The following NOS1 variants were observed in gnomAD, a reference collection of about 807,000 sequenced individuals.
The protein encoded by NOS1 is nitric oxide synthase 1, also known as NOS type I.
A neutral mutation model predicts 164.5 loss-of-function variants in NOS1; 51 were observed. The observed-to-expected ratio is 0.31, with a 90% CI of 0.25 to 0.39. The LOEUF is 0.39. Ranked by LOEUF, NOS1 falls within the 10% of genes least tolerant of loss-of-function variation. NOS1 has a pLI of 1.00. For synonymous variants in NOS1, 719 were observed against 745.8 expected, an observed-to-expected ratio of 0.96 and a Z score of 0.59; for missense variants, 1,362 against 1,885.6, an observed-to-expected ratio of 0.72 and a Z score of 5.14.
chr12:117,247,291 T>C (rs1870692853), intron 18 of NOS1, 57 bp downstream of exon 18: 34 of 1,402,382 alleles, frequency 2.4e-5, no homozygotes, highest in Non-Finnish European at 3.3e-5. Flanking sequence ...TTAGGTGCTG[T>C]CTTTGGGGGT....
At chr12:117,294,131 A>T (rs1260056600) in intron 3 of NOS1, among the ~76,000 whole-genome samples, 1 of 152,196 alleles carries the variant, frequency 6.6e-6, no homozygotes, top group Non-Finnish European at 1.5e-5. Flanking sequence ...CTACATACCC[A>T]GTTTCACTCA....
At chr12:117,358,367 G>A (rs1876956640) in intron 1 of NOS1, among the ~76,000 whole-genome samples, 1 of 152,184 alleles carries the variant, frequency 6.6e-6, no homozygotes, top group South Asian at 2.1e-4. Flanking sequence ...CCTTCCCCAA[G>A]GAAGATGGAG....
At chr12:117,230,240 G>A (rs1869099463) in intron 22 of NOS1, among the ~76,000 whole-genome samples, 1 of 152,154 alleles carries the variant, frequency 6.6e-6, no homozygotes, top group Admixed American at 6.5e-5. Context: ...TAAAAACAGT[G>A]CAATCTAATA....
In NOS1 at chr12:117,210,085, G is replaced by T. The variant is rs142690571; in HGVS notation, c.*5224C>A. ...ACTCCTGGGACCAAGTGATCCTCCT[G>T]CCTCAGCCTCCCAAGTAGCTGGGAC... On this transcript the variant is annotated 3_prime_UTR_variant, in exon 29 of 29. Transcript: ENST00000317775. 947 of 698,304 alleles carry T rather than the reference G, an allele frequency of 1.4e-3. 9 individuals are homozygous for T. In the African/African-American group the frequency reaches 0.016, roughly 12 times the overall value. 43.3% of individuals were successfully genotyped at this position (698,304 alleles called of 1,614,324 possible).
At position 117,208,437 on chromosome 12, in the gene NOS1, G is replaced by T; in HGVS notation, c.*6872C>A. The T allele has an allele frequency of 1.8e-6, 2 of 1,095,668 alleles. No individual in the cohort carries two copies. The highest frequency in any genetic ancestry group is 2.3e-6 in the Non-Finnish European group (2 of 887,808). 67.9% of individuals were successfully genotyped at this position (1,095,668 alleles called of 1,614,324 possible). A position where few individuals can be genotyped will look rare whatever the true frequency, so the allele number is the denominator to read the frequency against. The stretch of plus-strand genomic sequence containing the variant: ...GTGTGTGTGTGGTGAGATGCGACCA[G>T]GTCTGCCCACCTCCCCAGCTTCCCA... On this transcript the variant is annotated 3_prime_UTR_variant, in exon 29 of 29. Transcript: ENST00000317775.
chr12:117,271,734 G>A (rs1872805763), intron 10 of NOS1, among the ~76,000 whole-genome samples: 1 of 152,180 alleles, frequency 6.6e-6, no homozygotes. Flanking sequence ...TGTTGTTAGA[G>A]ACATTTGCTG....
chr12:117,331,002 C>A lies in NOS1; in HGVS notation c.68G>T (p.Arg23Leu). ...PNVISVRLFK[R>L]KVGGLGFLVK... ...CAGAAATCCCAGGCCCCCAACTTTGCGCTTGAAGAGACGAACAGAAATGAC... is the reference window on the plus strand; with the variant it reads ...CAGAAATCCCAGGCCCCCAACTTTGAGCTTGAAGAGACGAACAGAAATGAC... Residue 23 changes from arginine (R) to leucine (L), a missense_variant, in exon 2 of 29, where the codon CGC becomes CTC. Transcript: ENST00000317775. 1 of 1,614,186 alleles carries A rather than the reference C, an allele frequency of 6.2e-7. No individual in the cohort carries two copies. Among genetic ancestry groups the A allele is most frequent in the Non-Finnish European group, 8.5e-7 (1 of 1,180,040 alleles).
At chr12:117,231,930 C>T (rs765268854) in intron 22 of NOS1, 32 bp downstream of exon 22, 2 of 1,591,790 alleles carry the variant, frequency 1.3e-6, no homozygotes, top group South Asian at 1.1e-5. Flanking sequence ...TGAAATGCGC[C>T]CCCTAGGGTT....
chr12:117,329,350 G>A (rs572423065), intron 2 of NOS1, among the ~76,000 whole-genome samples: 11 of 152,180 alleles, frequency 7.2e-5, no homozygotes, highest in African/African-American at 2.2e-4. Context: ...TGTGGGGGGC[G>A]GAATGTTCCT....
rs1870335910 is a variant in NOS1 at position 117,243,290 on chromosome 12, G to A, written c.2962+7C>T. 3.1e-6 allele frequency: 5 copies of A among 1,613,866 alleles called. No homozygotes were observed. The highest frequency in any genetic ancestry group is 2.7e-5 in the African/African-American group (2 of 74,918). The stretch of plus-strand genomic sequence containing the variant: ...GAATACCTCCCTGGAAGGGTGGTGG[G>A]AGGTACCTTGTGTGAGTTCTGGAGC... On this transcript the variant is annotated splice_region_variant and intron_variant, in intron 19 of 28. Transcript: ENST00000317775. This position sits in a 1 kb window ranked among gnomAD's most constrained non-coding sequence, Gnocchi z 4.3.
chr12:117,290,562 A>T, intron 3 of NOS1, 136 bp from the exon 4 acceptor site: 1 of 1,083,644 alleles, frequency 9.2e-7, no homozygotes, highest in Non-Finnish European at 1.3e-6. Flanking sequence ...CCAGAGTAAG[A>T]TCCAGCCCTT....
In NOS1 at chr12:117,356,521, T is replaced by G. The variant is rs140199569; in HGVS notation, c.-421+4991A>C. Among the ~76,000 whole-genome samples, 1,388 of 152,366 alleles carry G rather than the reference T, an allele frequency of 9.1e-3. 20 individuals are homozygous for G. The highest frequency in any genetic ancestry group is 0.031 in the African/African-American group (1,309 of 41,580). On this transcript the variant is annotated intron_variant, in intron 1 of 28. Coordinates refer to ENST00000317775, the MANE Select transcript of NOS1 (RefSeq NM_000620.5). The surrounding 1 kb of genome is among the most constrained non-coding windows in gnomAD (Gnocchi z 4.2). Reference sequence around the variant, plus strand: ...ACAGGGTTTGTCTGGTGCTCACCGCTTAGCCAGACTACAGGTTTCATTAGA... The same window carrying G: ...ACAGGGTTTGTCTGGTGCTCACCGCGTAGCCAGACTACAGGTTTCATTAGA...
intron 1 of NOS1, among the ~76,000 whole-genome samples, chr12:117,335,599 C>G (rs560595419): frequency 4.7e-4 from 71 of 152,286 alleles, no homozygotes; most frequent in African/African-American, 1.7e-3. Flanking sequence ...CCTCTCCACC[C>G]TGAACCTCAT....
Position 117,212,653 on chromosome 12 carries a change from G to A in NOS1, c.*2656C>T. 5.1e-6 allele frequency: 5 copies of A among 985,384 alleles called. No individual in the cohort carries two copies. The highest frequency in any genetic ancestry group is 6.0e-6 in the Non-Finnish European group (5 of 829,928). 61.0% of individuals were successfully genotyped at this position (985,384 alleles called of 1,614,324 possible). A position where few individuals can be genotyped will look rare whatever the true frequency, so the allele number is the denominator to read the frequency against. On this transcript the variant is annotated 3_prime_UTR_variant, in exon 29 of 29. Coordinates refer to ENST00000317775, the MANE Select transcript of NOS1 (RefSeq NM_000620.5). ...TCAGGGGGAAGAGGGAAATAAATGG[G>A]CCATAACCCGAATAACCCCCAAATA...
rs1463896090 is a variant in NOS1, at chr12:117,215,275, C to A, written c.*34G>T. ...GTTCAGCAGTGTCTGTCCGCGCTTA[C>A]AAAACTTGCAGCCGGCTGGGCAAGA... On this transcript the variant is annotated 3_prime_UTR_variant, in exon 29 of 29. Transcript: ENST00000317775. 1.3e-6 allele frequency: 2 copies of A among 1,542,524 alleles called. No homozygotes were observed. The highest frequency in any genetic ancestry group is 1.7e-6 in the Non-Finnish European group (2 of 1,143,690).
Position 117,209,468 on chromosome 12 carries a change from T to TA in NOS1, c.*5840dup, listed in dbSNP as rs1191945955. On this transcript the variant is annotated 3_prime_UTR_variant, in exon 29 of 29. Coordinates refer to ENST00000317775, the MANE Select transcript of NOS1 (RefSeq NM_000620.5). ...TCTGGGCACTTCGATGTCCTGGAGTTACTTTCTAAAAGACTACAGGAAGCA... is the reference window on the plus strand; with the variant it reads ...TCTGGGCACTTCGATGTCCTGGAGTTAACTTTCTAAAAGACTACAGGAAGCA... 3.0e-6 allele frequency: 3 copies of TA among 985,358 alleles called. No homozygotes were observed. In the African/African-American group the frequency reaches 5.2e-5, roughly 17 times the overall value. 61.0% of individuals were successfully genotyped at this position (985,358 alleles called of 1,614,324 possible).
rs1566082153 is a variant in NOS1 at position 117,337,104 on chromosome 12, C to CTATTTTTTTTTTTTTTTTTTTT, written c.-420-5616_-420-5615insAAAAAAAAAAAAAAAAAAAATA. 6.4e-5 allele frequency among the ~76,000 whole-genome samples: 6 copies of CTATTTTTTTTTTTTTTTTTTTT among 94,074 alleles called. 1 individual carries two copies. Among genetic ancestry groups the CTATTTTTTTTTTTTTTTTTTTT allele is most frequent in the African/African-American group, 1.2e-4 (3 of 25,536 alleles). 61.7% of individuals were successfully genotyped at this position (94,074 alleles called of 152,430 possible). ...AGCCACTGTACCCAGCTGCTTTTTA[C>CTATTTTTTTTTTTTTTTTTTTT]TCTTTTTTTTTTTTTTTTTTTTTTT... On this transcript the variant is annotated intron_variant, in intron 1 of 28. Coordinates refer to ENST00000317775, the MANE Select transcript of NOS1 (RefSeq NM_000620.5).
chr12:117,266,112 A>C (rs1872389046), intron 11 of NOS1, among the ~76,000 whole-genome samples: 2 of 151,092 alleles, frequency 1.3e-5, no homozygotes, highest in Admixed American at 6.6e-5. Flanking sequence ...TTCTTTTTCT[A>C]TTTTTTAATT....
chr12:117,315,351 A>C (rs2136058922), intron 2 of NOS1, among the ~76,000 whole-genome samples: 1 of 152,136 alleles, frequency 6.6e-6, no homozygotes, highest in Non-Finnish European at 1.5e-5. Context: ...TTATAGGTAC[A>C]CACCACCACA....
Sources: allele counts gnomAD v4.1 joint callset (sites outside exome capture counted in the v4.1 genomes callset), GRCh38; gene constraint gnomAD v4.1.1; non-coding constraint Gnocchi (gnomAD v3.1); transcripts MANE v1.5; gene names NCBI Gene and HGNC (gene_info 2026-07-23, HGNC 2026-07-21).